Variants in EPAS1 observed in about 807,000 individuals in gnomAD.
EPAS1 encodes the protein endothelial PAS domain protein 1.
In EPAS1, 23 loss-of-function variants were observed where a neutral mutation model predicts 87.9. That is an observed-to-expected ratio of 0.26 (90% CI 0.19 to 0.37). The LOEUF (loss-of-function observed/expected upper bound fraction) is 0.37, where lower values mean the gene tolerates loss of function less well. EPAS1 is among the 10% of genes least tolerant of loss of function. EPAS1 has a pLI of 1.00. For missense variants in EPAS1, 1,138 were observed against 1,120.7 expected, an observed-to-expected ratio of 1.02 and a Z score of -0.22; for synonymous variants, 508 against 444.3, an observed-to-expected ratio of 1.14 and a Z score of -1.80.
At chr2:46,320,367 C>A (rs1683430121) in intron 1 of EPAS1, among the ~76,000 whole-genome samples, 1 of 152,180 alleles carries the variant, frequency 6.6e-6, no homozygotes, top group Non-Finnish European at 1.5e-5. Context: ...AATTGTTGAA[C>A]AGGACTTTGT....
At chr2:46,352,044 A>G (rs1389604555) in intron 2 of EPAS1, among the ~76,000 whole-genome samples, 1 of 152,220 alleles carries the variant, frequency 6.6e-6, no homozygotes, top group Non-Finnish European at 1.5e-5. Flanking sequence ...TTAGCATTAA[A>G]GAATCTTGTT....
chr2:46,339,770 A>C (rs1008532770), intron 1 of EPAS1, among the ~76,000 whole-genome samples: 4 of 152,232 alleles, frequency 2.6e-5, no homozygotes, highest in Admixed American at 1.3e-4. Context: ...TGGGAAGTCC[A>C]GTGTCCAGGT....
intron 1 of EPAS1, among the ~76,000 whole-genome samples, chr2:46,306,086 T>C (rs1363009932): frequency 6.6e-6 from 1 of 152,224 alleles, no homozygotes; most frequent in Non-Finnish European, 1.5e-5. Flanking sequence ...TTCAGAAGCA[T>C]TTTATAAGTT....
At position 46,381,715 on chromosome 2, in the gene EPAS1, T is replaced by G. The variant is rs756173095; in HGVS notation, c.2165T>G (p.Leu722Arg). The change falls in exon 13 of 16, where the codon CTG (leucine) becomes CGG (arginine). Residue 722 changes from leucine to arginine, a missense_variant. This residue lies in a region of EPAS1 where 502 missense variants were observed against 427.1 expected (regional missense o/e 1.18). Transcript: ENST00000263734. Reference protein sequence around the residue: ...LEYEEQAFQDLSGGDPPGGST... With the variant: ...LEYEEQAFQDRSGGDPPGGST... ...TATGAAGAGCAAGCCTTCCAGGACC[T>G]GAGCGGGGTGAGTCATCCCCACTGG... is the stretch of plus-strand genomic sequence containing the variant. 1 of 1,613,760 alleles carries G rather than the reference T, an allele frequency of 6.2e-7. No homozygotes were observed. The highest frequency in any genetic ancestry group is 1.1e-5 in the South Asian group (1 of 91,082).
rs111225999 is a variant in EPAS1, at chr2:46,323,429, T to C, written c.27-23444T>C. ...GGGAGGAATAAACAAGACTGAATTA[T>C]GTTTTTATATATCTTGCGCACCCAA... On this transcript the variant is annotated intron_variant, in intron 1 of 15. Transcript: ENST00000263734. 2.5e-3 allele frequency among the ~76,000 whole-genome samples: 375 copies of C among 152,366 alleles called. 2 individuals carry two copies. The highest frequency in any genetic ancestry group is 8.5e-3 in the African/African-American group (353 of 41,580).
chr2:46,341,181 C>T (rs1356332162), intron 1 of EPAS1, among the ~76,000 whole-genome samples: 1 of 152,218 alleles, frequency 6.6e-6, no homozygotes, highest in African/African-American at 2.4e-5. Flanking sequence ...TGGAATGGCC[C>T]TCACAGCCAA....
intron 1 of EPAS1, among the ~76,000 whole-genome samples, chr2:46,312,562 C>T (rs1359964756): frequency 6.6e-6 from 1 of 152,128 alleles, no homozygotes; most frequent in Non-Finnish European, 1.5e-5. Context: ...TATTAACAAG[C>T]ACAGCAATAT....
chr2:46,328,659 T>A (rs1683611968), intron 1 of EPAS1, among the ~76,000 whole-genome samples: 2 of 152,196 alleles, frequency 1.3e-5, no homozygotes, highest in Non-Finnish European at 2.9e-5. Context: ...TTATGTAGCA[T>A]CCTCTGTGAA....
chr2:46,348,764 A>G (rs1684086322), intron 2 of EPAS1, among the ~76,000 whole-genome samples: 1 of 152,198 alleles, frequency 6.6e-6, no homozygotes, highest in Non-Finnish European at 1.5e-5. Context: ...CTTGCATTGT[A>G]TTTATCAGTT....
At position 46,332,332 on chromosome 2, in the gene EPAS1, G is replaced by GTGTGTGTGTGTA. The variant is rs146630883; in HGVS notation, c.27-14540_27-14539insGTGTGTGTGTAT. Among the ~76,000 whole-genome samples, 68 of 142,192 alleles carry GTGTGTGTGTGTA rather than the reference G, an allele frequency of 4.8e-4. 1 individual carries two copies. The highest frequency in any genetic ancestry group is 2.9e-3 in the East Asian group (14 of 4,846). The allele number at this position is 142,192 out of a possible 152,430, so 93.3% of individuals were successfully genotyped here. A position where few individuals can be genotyped will look rare whatever the true frequency, so the allele number is the denominator to read the frequency against. On this transcript the variant is annotated intron_variant, in intron 1 of 15. Transcript: ENST00000263734. ...TGTGTGTGTGTGTGTGTGTGTGTGTGTATCAACTTGTTTTCTCTTTGGCTG... is the reference window on the plus strand; with the variant it reads ...TGTGTGTGTGTGTGTGTGTGTGTGTGTGTGTGTGTGTATATCAACTTGTTTTCTCTTTGGCTG...
chr2:46,322,766 A>G (rs959265844), intron 1 of EPAS1, among the ~76,000 whole-genome samples: 2 of 152,146 alleles, frequency 1.3e-5, no homozygotes, highest in Non-Finnish European at 2.9e-5. Context: ...TGCTGTTTCC[A>G]TTATATCAGG....
chr2:46,352,119 C>T (rs980557955), intron 2 of EPAS1, among the ~76,000 whole-genome samples: 1 of 152,166 alleles, frequency 6.6e-6, no homozygotes, highest in Non-Finnish European at 1.5e-5. Flanking sequence ...AGCCATCTCT[C>T]GTCTTTGGGG....
intron 1 of EPAS1, among the ~76,000 whole-genome samples, chr2:46,320,196 G>A (rs1572618477): frequency 6.6e-6 from 1 of 152,320 alleles, no homozygotes; most frequent in South Asian, 2.1e-4. Context: ...GTTAAAGAGA[G>A]AAACTAATTG....
rs59795642 is a variant in EPAS1 at position 46,375,200 on chromosome 2, CA to C, written c.887-482del. Among the ~76,000 whole-genome samples the C allele has an allele frequency of 5.7e-5, 7 of 123,328 alleles. No homozygotes were observed. The highest frequency in any genetic ancestry group is 3.9e-4 in the Admixed American group (5 of 12,948). 80.9% of individuals were successfully genotyped at this position (123,328 alleles called of 152,430 possible). On this transcript the variant is annotated intron_variant, in intron 7 of 15. Transcript: ENST00000263734. This position sits in a 1 kb window ranked among gnomAD's most constrained non-coding sequence, Gnocchi z 4.1. ...GCTGAAAAAAAAAAACAAAAAAAAA[CA>C]AAAAAAACTGCCCTGAGGTCAGGCT...
intron 1 of EPAS1, among the ~76,000 whole-genome samples, chr2:46,343,651 G>A (rs1683954116): frequency 6.6e-6 from 1 of 152,184 alleles, no homozygotes; most frequent in African/African-American, 2.4e-5. Flanking sequence ...GTCCTTTTAG[G>A]TTCAGCTGAA....
At chr2:46,327,812 G>C (rs1041724916) in intron 1 of EPAS1, among the ~76,000 whole-genome samples, 1 of 152,164 alleles carries the variant, frequency 6.6e-6, no homozygotes, top group Admixed American at 6.5e-5. Context: ...TGGGCACCCT[G>C]GTGGTGGTCT....
rs142534349 is a variant in EPAS1 at position 46,377,907 on chromosome 2, C to T, written c.1263C>T (p.Phe421=). Residue 421 remains phenylalanine (F), a synonymous_variant, in exon 10 of 16, where the codon TTC becomes TTT. Transcript: ENST00000263734. ...IISLDFGNQN[F]EESSAYGKAI... is the part of the protein sequence containing the mutation. ...TTGTCTCCACAGGGAATCAGAACTT[C>T]GAGGAGTCCTCAGCCTATGGCAAGG... 2.0e-5 allele frequency: 31 copies of T among 1,552,700 alleles called. No individual in the cohort carries two copies. The highest frequency in any genetic ancestry group is 1.1e-4 in the African/African-American group (8 of 73,228).
At position 46,320,741 on chromosome 2, in the gene EPAS1, G is replaced by A. The variant is rs189805033; in HGVS notation, c.26+22804G>A. ...AGATTTTAAGCAGGGAGAGGTTTTG[G>A]AGTCCTTTCTATTCAAGATACTTAA... On this transcript the variant is annotated intron_variant, in intron 1 of 15. Transcript: ENST00000263734. Among the ~76,000 whole-genome samples, 6 of 152,302 alleles carry A rather than the reference G, an allele frequency of 3.9e-5. No homozygotes were observed. In the East Asian group the frequency reaches 1.2e-3, roughly 29 times the overall value.
At position 46,346,844 on chromosome 2, in the gene EPAS1, C is replaced by T. The variant is rs2103616067; in HGVS notation, c.27-29C>T. The T allele has an allele frequency of 1.2e-6, 2 of 1,613,332 alleles. No homozygotes were observed. Among genetic ancestry groups the T allele is most frequent in the Non-Finnish European group, 1.7e-6 (2 of 1,179,546 alleles). ...GTATGATAGGCTGACAGTAACCTTTCCGGGACTAACCCCTTCTTCTCCACT... is the reference window on the plus strand; with the variant it reads ...GTATGATAGGCTGACAGTAACCTTTTCGGGACTAACCCCTTCTTCTCCACT... On this transcript the variant is annotated intron_variant, in intron 1 of 15. Coordinates refer to ENST00000263734, the MANE Select transcript of EPAS1 (RefSeq NM_001430.5). This position sits in a 1 kb window ranked among gnomAD's most constrained non-coding sequence, Gnocchi z 4.0.
Sources: allele counts gnomAD v4.1 joint callset (sites outside exome capture counted in the v4.1 genomes callset), GRCh38; gene constraint gnomAD v4.1.1; regional missense constraint gnomAD v4.1.1; non-coding constraint Gnocchi (gnomAD v3.1); transcripts MANE v1.5; gene names NCBI Gene and HGNC (gene_info 2026-07-23, HGNC 2026-07-21).